Variants in CEP164 observed in about 807,000 individuals in gnomAD.
CEP164 encodes the protein centrosomal protein of 164 kDa.
Under a neutral mutation model 182.7 loss-of-function variants are expected in CEP164, and 162 were observed. The ratio of observed to expected loss-of-function variants is 0.89; its 90% CI spans 0.78 to 1.01. The LOEUF is 1.01. Among genes scored for constraint, CEP164 ranks in the 50% least tolerant of loss-of-function variants. The pLI, the probability that CEP164 is intolerant of heterozygous loss-of-function variation, is 0.00. For synonymous variants in CEP164, 661 were observed against 690.0 expected (o/e 0.96, Z 0.66); for missense variants, 1,735 against 1,790.4 (o/e 0.97, Z 0.56).
At chr11:117,380,520 A>G in intron 11 of CEP164, 94 bp from the exon 12 acceptor site, 2 of 968,996 alleles carry the variant, frequency 2.1e-6, no homozygotes, top group Non-Finnish European at 3.2e-6. Context: ...GCAACTTCTC[A>G]GTGCTTTCGT....
chr11:117,390,693 T>C (rs1469294514), intron 15 of CEP164, 84 bp from the exon 16 acceptor site: 2 of 1,549,692 alleles, frequency 1.3e-6, no homozygotes, highest in African/African-American at 1.4e-5. Context: ...AACAGGGCTA[T>C]TGGAGGCTGA....
chr11:117,387,097 C>A, intron 14 of CEP164, 106 bp from the exon 15 acceptor site: 1 of 982,372 alleles, frequency 1.0e-6, no homozygotes, highest in African/African-American at 1.6e-5. Context: ...GATTGTGGGC[C>A]CTCCATTAGG....
chr11:117,356,689 A>G, intron 5 of CEP164: 1 of 1,196,736 alleles, frequency 8.4e-7, no homozygotes. Context: ...TTGATGTCTT[A>G]CCACAGCCAT....
At chr11:117,322,658 T>G (rs1410272861) in intron 1 of CEP164, among the ~76,000 whole-genome samples, 1 of 151,324 alleles carries the variant, frequency 6.6e-6, no homozygotes. Flanking sequence ...CGGGTGCAAG[T>G]GATTCTCCTG....
At chr11:117,395,436 A>C in intron 23 of CEP164, 111 bp from the exon 24 acceptor site, 2 of 1,260,820 alleles carry the variant, frequency 1.6e-6, no homozygotes, top group East Asian at 5.0e-5. Context: ...AGTGGCTCTG[A>C]ATTCATTCCC....
chr11:117,373,338 G>T (rs2042411539), intron 9 of CEP164, among the ~76,000 whole-genome samples: 1 of 152,012 alleles, frequency 6.6e-6, no homozygotes, highest in South Asian at 2.1e-4. Context: ...CTCCAGCCTG[G>T]GGGACAGAGC....
In CEP164 at chr11:117,351,778, G is replaced by GC; in HGVS notation, c.195-9dup. 1.2e-6 allele frequency: 2 copies of GC among 1,608,082 alleles called. No homozygotes were observed. Reference sequence around the variant, plus strand: ...GAGCAGGGACTAACTTCTGAACTCTGCCCATCCCCAGCCAGGACATCACAG... The same window carrying GC: ...GAGCAGGGACTAACTTCTGAACTCTGCCCCATCCCCAGCCAGGACATCACAG... On this transcript the variant is annotated splice_polypyrimidine_tract_variant and intron_variant, in intron 4 of 32. Transcript: ENST00000278935.
chr11:117,336,153 G>A, intron 2 of CEP164: 1 of 1,572,210 alleles, frequency 6.4e-7, no homozygotes, highest in Non-Finnish European at 8.6e-7. Context: ...GAAGCTTGAT[G>A]GGAGAGCAGA....
At position 117,363,347 on chromosome 11, in the gene CEP164, C is replaced by T. The variant is rs545591522; in HGVS notation, c.688-82C>T. 7.2e-5 allele frequency: 70 copies of T among 978,672 alleles called. No homozygotes were observed. In the East Asian group the frequency reaches 1.6e-3, roughly 22 times the overall value. 60.6% of individuals were successfully genotyped at this position (978,672 alleles called of 1,614,324 possible). ...GGCCCGCCTGTCAGCTCAGCAGTGC[C>T]CCACTTTTCCCTCTGCACACCCCTC... On this transcript the variant is annotated intron_variant, in intron 7 of 32. Coordinates refer to ENST00000278935, the MANE Select transcript of CEP164 (RefSeq NM_014956.5).
At position 117,409,182 on chromosome 11, in the gene CEP164, T is replaced by G. The variant is rs2047038500; in HGVS notation, c.3748+154T>G. ...GTGCTCGGTCAGTGCTGGGAAGGAA[T>G]CACACCATCTAGGTTTGCCAGCACG... On this transcript the variant is annotated intron_variant, in intron 29 of 32. Transcript: ENST00000278935. This position sits in a 1 kb window ranked among gnomAD's most constrained non-coding sequence, Gnocchi z 4.4. The G allele has an allele frequency of 9.9e-7, 1 of 1,013,940 alleles. No homozygotes were observed. The highest frequency in any genetic ancestry group is 1.6e-5 in the African/African-American group (1 of 61,890). The allele number at this position is 1,013,940 out of a possible 1,614,324, so 62.8% of individuals were successfully genotyped here.
At chr11:117,386,996 G>A in intron 14 of CEP164, 2 of 577,166 alleles carry the variant, frequency 3.5e-6, no homozygotes, top group Non-Finnish European at 3.1e-6. Flanking sequence ...CTAGGCTCTT[G>A]GGGCCTTAAA....
intron 17 of CEP164, among the ~76,000 whole-genome samples, 158 bp from the exon 18 acceptor site, chr11:117,392,068 G>A (rs141456644): frequency 5.9e-5 from 9 of 152,154 alleles, no homozygotes; most frequent in Non-Finnish European, 1.3e-4. Context: ...GACTTCAGGG[G>A]CTGAGTTATT....
chr11:117,358,478 G>A (rs1291012359), intron 5 of CEP164, among the ~76,000 whole-genome samples: 2 of 151,836 alleles, frequency 1.3e-5, no homozygotes, highest in African/African-American at 2.4e-5. Context: ...ACCAGGAGGG[G>A]CATGCCTGGT....
intron 1 of CEP164, among the ~76,000 whole-genome samples, chr11:117,332,138 A>C (rs568324626): frequency 1.2e-4 from 19 of 152,014 alleles, no homozygotes; most frequent in African/African-American, 4.3e-4. Flanking sequence ...CCTTGGTTTT[A>C]TATTAGCAGT....
At chr11:117,401,862 TTTC>T (rs1170320868) in intron 27 of CEP164, among the ~76,000 whole-genome samples, 2 of 152,210 alleles carry the variant, frequency 1.3e-5, no homozygotes, top group African/African-American at 4.8e-5. Context: ...TTGATTATTT[TTTC>T]TTCTTTATTA....
chr11:117,351,931 G>T lies in CEP164; in HGVS notation c.336G>T (p.Lys112Asn). The change falls in exon 5 of 33, where the codon AAG (lysine) becomes AAT (asparagine). Residue 112 changes from lysine to asparagine, a missense_variant. Physicochemically the swap from Lys to Asn is moderately conservative, Grantham distance 94. Transcript: ENST00000278935. ...KLSTSGAIKK[K>N]KKKKEKKDKK... ...CAACTTCTGGGGCCATTAAGAAGAA[G>T]AAAAAAAAAAAGGAAAAGAAAGACA... 8.1e-7 allele frequency: 1 copy of T among 1,241,104 alleles called. No homozygotes were observed. 76.9% of individuals were successfully genotyped at this position (1,241,104 alleles called of 1,614,324 possible). A position where few individuals can be genotyped will look rare whatever the true frequency, so the allele number is the denominator to read the frequency against.
rs865862003 is a variant in CEP164, at chr11:117,374,250, G to C, written c.1233+419G>C. Among the ~76,000 whole-genome samples, 26 of 152,224 alleles carry C rather than the reference G, an allele frequency of 1.7e-4. No individual in the cohort carries two copies. The South Asian group carries it at 3.9e-3, about 23-fold the overall frequency. On this transcript the variant is annotated intron_variant, in intron 10 of 32. Transcript: ENST00000278935. ...GACAGTCCCCAGGCTCAGGCCAGGA[G>C]GGATGCCATGGCTTCATTTCTAAAG...
At chr11:117,334,716 C>G (rs1188019300) in intron 1 of CEP164, among the ~76,000 whole-genome samples, 1 of 138,708 alleles carries the variant, frequency 7.2e-6, no homozygotes, top group Admixed American at 8.3e-5. Flanking sequence ...ACCTGGGAGA[C>G]AGAGGTTGCA....
chr11:117,350,463 A>T (rs2039485791), intron 4 of CEP164, among the ~76,000 whole-genome samples: 1 of 152,180 alleles, frequency 6.6e-6, no homozygotes, highest in Non-Finnish European at 1.5e-5. Context: ...GTTGTGAAGT[A>T]GCATTTCATA....
Sources: gnomAD v4.1 joint callset for allele counts (sites outside exome capture counted in the v4.1 genomes callset) on GRCh38, gnomAD v4.1.1 for gene constraint, Gnocchi (gnomAD v3.1) non-coding constraint, MANE v1.5 for transcripts, NCBI Gene and HGNC (gene_info 2026-07-23, HGNC 2026-07-21) for gene names.